The following MATN2 variants were observed in gnomAD, a reference collection of about 807,000 sequenced individuals.
MATN2 encodes the protein matrilin 2.
MATN2 carries 69 observed loss-of-function variants against 103.2 expected under a neutral mutation model. That is an observed-to-expected ratio of 0.67 (90% CI 0.55 to 0.82). The LOEUF is 0.82. Ranked by LOEUF, MATN2 falls within the 40% of genes least tolerant of loss-of-function variation. The pLI, the probability that MATN2 is intolerant of heterozygous loss-of-function variation, is 0.00. For missense variants in MATN2, 1,023 were observed against 1,211.5 expected (o/e 0.84, Z 2.31); for synonymous variants, 429 against 450.2 (o/e 0.95, Z 0.60).
In MATN2 at chr8:98,035,959, A is replaced by T. The variant is rs1215095912; in HGVS notation, c.*247A>T. 2 of 358,842 alleles carry T rather than the reference A, an allele frequency of 5.6e-6. No individual in the cohort carries two copies. The highest frequency in any genetic ancestry group is 9.9e-6 in the Non-Finnish European group (2 of 201,106). The allele number at this position is 358,842 out of a possible 1,614,324, so 22.2% of individuals were successfully genotyped here. ...CCAGGTGAGAATGAATAAGCTATGCAAGGTATTTTGTAATATACTGTGGAC... is the reference window on the plus strand; with the variant it reads ...CCAGGTGAGAATGAATAAGCTATGCTAGGTATTTTGTAATATACTGTGGAC... On this transcript the variant is annotated 3_prime_UTR_variant, in exon 19 of 19. Transcript: ENST00000254898.
At chr8:97,911,442 C>A (rs1809428566) in intron 2 of MATN2, among the ~76,000 whole-genome samples, 1 of 151,998 alleles carries the variant, frequency 6.6e-6, no homozygotes, top group Non-Finnish European at 1.5e-5. Context: ...GGTGCCGTGG[C>A]TCACACCTGT....
Position 97,982,692 on chromosome 8 carries a change from G to A in MATN2, c.1081+3684G>A, listed in dbSNP as rs16896493. 0.06 allele frequency among the ~76,000 whole-genome samples: 9,151 copies of A among 152,088 alleles called. 890 individuals carry two copies. The highest frequency in any genetic ancestry group is 0.21 in the African/African-American group (8,504 of 41,448). ...AAATATGTAAGTGGTGTTCAAAAAA[G>A]CACCACCTTTATATCAATTTCTTAC... On this transcript the variant is annotated intron_variant, in intron 6 of 18. Coordinates refer to ENST00000254898, the MANE Select transcript of MATN2 (RefSeq NM_002380.5). This position sits in a 1 kb window ranked among gnomAD's most constrained non-coding sequence, Gnocchi z 4.3.
At chr8:97,927,570 C>A (rs1810028299) in intron 2 of MATN2, among the ~76,000 whole-genome samples, 1 of 152,164 alleles carries the variant, frequency 6.6e-6, no homozygotes, top group Non-Finnish European at 1.5e-5. Flanking sequence ...GGTTCTGAGC[C>A]CTCAAGGGAC....
intron 4 of MATN2, among the ~76,000 whole-genome samples, chr8:97,959,081 C>T (rs1416648639): frequency 6.6e-6 from 1 of 152,184 alleles, no homozygotes; most frequent in Non-Finnish European, 1.5e-5. Context: ...CCATAGTTTT[C>T]TTGGCACTTC....
At chr8:97,980,789 G>A (rs982532138) in intron 6 of MATN2, among the ~76,000 whole-genome samples, 1 of 151,622 alleles carries the variant, frequency 6.6e-6, no homozygotes, top group Admixed American at 6.6e-5. Flanking sequence ...GGCTGGTGTC[G>A]AATCCCTGAC....
Position 98,021,322 on chromosome 8 carries a change from G to A in MATN2, c.1937G>A (p.Cys646Tyr), listed in dbSNP as rs931242254. The A allele has an allele frequency of 6.2e-7, 1 of 1,613,040 alleles. No individual in the cohort carries two copies. Among genetic ancestry groups the A allele is most frequent in the African/African-American group, 1.3e-5 (1 of 75,028 alleles). ...GTTCTAGCTGAGGACGGAAGACGGT[G>A]CAAGAGTAAGTGATCTGAACTTGGC... ...GFVLAEDGRR[C>Y]KKCTEGPIDL... Residue 646 changes from cysteine (C) to tyrosine (Y), a missense_variant, in exon 13 of 19, where the codon TGC (cysteine) becomes TAC (tyrosine). Cys to Tyr is a radical substitution (Grantham distance 194). Coordinates refer to ENST00000254898, the MANE Select transcript of MATN2 (RefSeq NM_002380.5).
intron 7 of MATN2, among the ~76,000 whole-genome samples, chr8:98,003,178 T>C (rs1812843866): frequency 1.3e-5 from 2 of 151,994 alleles, no homozygotes; most frequent in Non-Finnish European, 2.9e-5. Flanking sequence ...TTGTGTTCAC[T>C]GTTCCCTCAT....
intron 1 of MATN2, among the ~76,000 whole-genome samples, chr8:97,872,672 C>T (rs796256823): frequency 2.0e-5 from 3 of 152,260 alleles, no homozygotes; most frequent in African/African-American, 4.8e-5. Flanking sequence ...AAGCCAGTAA[C>T]AGCATCTTCC....
chr8:97,986,664 T>C (rs1812205696), intron 6 of MATN2, among the ~76,000 whole-genome samples: 1 of 152,260 alleles, frequency 6.6e-6, no homozygotes, highest in African/African-American at 2.4e-5. Flanking sequence ...CACTGTATTT[T>C]CTTTATCCAC....
intron 1 of MATN2, among the ~76,000 whole-genome samples, chr8:97,873,944 G>C (rs1175219203): frequency 6.6e-6 from 1 of 152,052 alleles, no homozygotes; most frequent in Non-Finnish European, 1.5e-5. Context: ...CCTCAACTTT[G>C]GCCCTTAGAA....
chr8:97,897,549 G>C (rs1476833820), intron 2 of MATN2, among the ~76,000 whole-genome samples: 5 of 152,200 alleles, frequency 3.3e-5, no homozygotes, highest in African/African-American at 1.2e-4. Flanking sequence ...CATCAGAATA[G>C]ATTATACAAA....
intron 13 of MATN2, among the ~76,000 whole-genome samples, chr8:98,024,084 G>A (rs1013895726): frequency 5.3e-5 from 8 of 152,278 alleles, no homozygotes; most frequent in African/African-American, 1.9e-4. Context: ...GCTAATGCAT[G>A]TGGGGCTTAA....
rs371733114 is a variant in MATN2, at chr8:97,888,054, C to A, written c.-26-21C>A. The A allele has an allele frequency of 2.5e-5, 40 of 1,590,526 alleles. No individual in the cohort carries two copies. In the African/African-American group the frequency reaches 4.4e-4, roughly 17 times the overall value. ...CCCGGAAATCTCACCCTGCCCTCTT[C>A]TTGTGTTGTGTTTGTCACAGCCTTG... On this transcript the variant is annotated intron_variant, in intron 1 of 18. Coordinates refer to ENST00000254898, the MANE Select transcript of MATN2 (RefSeq NM_002380.5).
At chr8:97,909,747 A>G (rs1451340150) in intron 2 of MATN2, among the ~76,000 whole-genome samples, 4 of 151,574 alleles carry the variant, frequency 2.6e-5, no homozygotes, top group South Asian at 2.1e-4. Context: ...TTTCTCTGAG[A>G]GAGATGGGAG....
At chr8:98,028,735 C>T (rs113810839) in intron 14 of MATN2, among the ~76,000 whole-genome samples, 43 of 152,176 alleles carry the variant, frequency 2.8e-4, no homozygotes, top group Admixed American at 2.1e-3. Context: ...TACAGGCGCC[C>T]GCCACCACGC....
intron 1 of MATN2, among the ~76,000 whole-genome samples, chr8:97,881,794 T>C (rs2129954871): frequency 6.6e-6 from 1 of 152,352 alleles, no homozygotes; most frequent in Admixed American, 6.5e-5. Context: ...TATTTTTTTC[T>C]TGTTTCACTG....
intron 4 of MATN2, among the ~76,000 whole-genome samples, chr8:97,942,982 C>T (rs867667479): frequency 1.3e-5 from 2 of 152,156 alleles, no homozygotes; most frequent in Non-Finnish European, 2.9e-5. Flanking sequence ...GACTCTGAAT[C>T]GCAGGGGTGG....
intron 5 of MATN2, among the ~76,000 whole-genome samples, chr8:97,977,385 T>C (rs1283014557): frequency 6.6e-6 from 1 of 151,766 alleles, no homozygotes; most frequent in Non-Finnish European, 1.5e-5. Context: ...GCCACCCTAA[T>C]AAGCACATTT....
intron 8 of MATN2, chr8:98,004,285 T>TA: frequency 1.9e-5 from 1 of 53,632 alleles, no homozygotes; most frequent in Non-Finnish European, 3.9e-5. Context: ...AAACTTCATC[T>TA]CAAAAAAAAA....
Sources: gnomAD v4.1 joint callset for allele counts (sites outside exome capture counted in the v4.1 genomes callset) on GRCh38, gnomAD v4.1.1 for gene constraint, Gnocchi (gnomAD v3.1) non-coding constraint, MANE v1.5 for transcripts, NCBI Gene and HGNC (gene_info 2026-07-23, HGNC 2026-07-21) for gene names.